Variants in BBS9 observed in about 807,000 individuals in gnomAD.
BBS9 encodes the protein Bardet-Biedl syndrome 9.
In BBS9, 89 loss-of-function variants were observed where a neutral mutation model predicts 117.7. The observed-to-expected ratio is 0.76, with a 90% CI of 0.64 to 0.90. The LOEUF (loss-of-function observed/expected upper bound fraction) is 0.90, where lower values mean the gene tolerates loss of function less well. Ranked by LOEUF, BBS9 falls within the 40% of genes least tolerant of loss-of-function variation. The pLI is 0.00. For synonymous variants in BBS9, 379 were observed against 370.9 expected, an observed-to-expected ratio of 1.02 and a Z score of -0.25; for missense variants, 982 against 1,042.2, an observed-to-expected ratio of 0.94 and a Z score of 0.80.
At chr7:33,565,711 A>G (rs966163758) in intron 21 of BBS9, among the ~76,000 whole-genome samples, 2 of 144,798 alleles carry the variant, frequency 1.4e-5, no homozygotes, top group East Asian at 2.1e-4. Flanking sequence ...GGAAACTTGC[A>G]TAATAGCCAG....
intron 20 of BBS9, among the ~76,000 whole-genome samples, chr7:33,510,426 A>G (rs1846767291): frequency 6.6e-6 from 1 of 152,034 alleles, no homozygotes; most frequent in Admixed American, 6.6e-5. Flanking sequence ...CCCTCTAATC[A>G]TGCTGCACAG....
At chr7:33,521,313 C>T (rs1194706333) in intron 20 of BBS9, among the ~76,000 whole-genome samples, 1 of 152,188 alleles carries the variant, frequency 6.6e-6, no homozygotes. Flanking sequence ...GCAGCCGAAC[C>T]TTCTGAAGGT....
intron 20 of BBS9, among the ~76,000 whole-genome samples, chr7:33,521,755 T>C (rs1357857636): frequency 6.6e-6 from 1 of 152,086 alleles, no homozygotes; most frequent in Non-Finnish European, 1.5e-5. Context: ...TTCTTTTTTT[T>C]TTTATTATAC....
chr7:33,613,909 G>T (rs1865004520), intron 21 of BBS9, among the ~76,000 whole-genome samples: 1 of 152,042 alleles, frequency 6.6e-6, no homozygotes. Context: ...AGGCTTTGAA[G>T]ACTTATGTCC....
chr7:33,220,834 C>A (rs999408158), intron 5 of BBS9, among the ~76,000 whole-genome samples: 6 of 152,188 alleles, frequency 3.9e-5, no homozygotes, highest in East Asian at 3.8e-4. Context: ...CTGAGCCCAC[C>A]TTTTAAATAC....
chr7:33,405,648 T>G (rs1357835802), intron 19 of BBS9, among the ~76,000 whole-genome samples: 1 of 152,224 alleles, frequency 6.6e-6, no homozygotes, highest in Non-Finnish European at 1.5e-5. Context: ...GTTTGTAGTA[T>G]TCTCTGATGG....
intron 12 of BBS9, among the ~76,000 whole-genome samples, chr7:33,348,690 G>T (rs570819982): frequency 3.3e-5 from 5 of 152,048 alleles, no homozygotes; most frequent in Non-Finnish European, 7.4e-5. Context: ...AATATATGAG[G>T]GTTCTAGTTT....
At chr7:33,199,092 G>T (rs552307165) in intron 5 of BBS9, among the ~76,000 whole-genome samples, 1 of 151,900 alleles carries the variant, frequency 6.6e-6, no homozygotes, top group East Asian at 1.9e-4. Flanking sequence ...CCAATCAATG[G>T]TTCTTTTCTT....
chr7:33,171,538 A>G (rs1796574032), intron 4 of BBS9, among the ~76,000 whole-genome samples: 1 of 152,214 alleles, frequency 6.6e-6, no homozygotes, highest in African/African-American at 2.4e-5. Flanking sequence ...AAAACCCTAG[A>G]AAATAATTTC....
Position 33,555,053 on chromosome 7 carries a change from T to TTA in BBS9, c.2521+20883_2521+20884dup, listed in dbSNP as rs1855080054. ...GTATAAATTTGTAACATTTCTCCTT[T>TTA]TATATATTCACTCCTTCTCTTTCCT... On this transcript the variant is annotated intron_variant, in intron 21 of 22. Coordinates refer to ENST00000242067, the MANE Select transcript of BBS9 (RefSeq NM_198428.3). Among the ~76,000 whole-genome samples, 6 of 152,316 alleles carry TTA rather than the reference T, an allele frequency of 3.9e-5. No homozygotes were observed. In the South Asian group the frequency reaches 1.2e-3, roughly 32 times the overall value.
At chr7:33,155,165 A>G (rs1303604839) in intron 3 of BBS9, among the ~76,000 whole-genome samples, 2 of 152,242 alleles carry the variant, frequency 1.3e-5, no homozygotes, top group South Asian at 2.1e-4. Context: ...GATATATGCT[A>G]CTTGTAATAA....
At chr7:33,188,061 G>A (rs1783421669) in intron 5 of BBS9, among the ~76,000 whole-genome samples, 1 of 136,164 alleles carries the variant, frequency 7.3e-6, no homozygotes, top group African/African-American at 2.7e-5. Context: ...GATTAGAGCA[G>A]CTCCCTGTAG....
At chr7:33,580,853 A>C (rs964118896) in intron 21 of BBS9, among the ~76,000 whole-genome samples, 2 of 152,184 alleles carry the variant, frequency 1.3e-5, no homozygotes, top group African/African-American at 4.8e-5. Context: ...CATGAATATC[A>C]CTGAAACCCG....
intron 4 of BBS9, among the ~76,000 whole-genome samples, chr7:33,167,076 G>A (rs1259361827): frequency 2.0e-5 from 3 of 152,336 alleles, no homozygotes; most frequent in Non-Finnish European, 2.9e-5. Context: ...AGAATGCAGA[G>A]CTTTTAATAA....
chr7:33,512,765 C>T (rs991587905), intron 20 of BBS9, among the ~76,000 whole-genome samples: 2 of 152,212 alleles, frequency 1.3e-5, no homozygotes, highest in African/African-American at 4.8e-5. Context: ...GCCCGCTGTG[C>T]TGTGGACCAC....
At chr7:33,477,672 A>G (rs529781053) in intron 19 of BBS9, among the ~76,000 whole-genome samples, 3 of 152,316 alleles carry the variant, frequency 2.0e-5, no homozygotes, top group South Asian at 4.1e-4. Context: ...TAACTTTCCT[A>G]CTAGTTGTTC....
chr7:33,140,319 C>G (rs937248834), intron 1 of BBS9, among the ~76,000 whole-genome samples: 4 of 152,162 alleles, frequency 2.6e-5, no homozygotes, highest in Non-Finnish European at 4.4e-5. Context: ...CCACCGCACC[C>G]AGCCGGATTC....
rs1035098100 is a variant in BBS9, at chr7:33,193,720, T to A, written c.442+16129T>A. Among the ~76,000 whole-genome samples the A allele has an allele frequency of 2.6e-5, 4 of 152,300 alleles. No homozygotes were observed. The South Asian group carries it at 8.3e-4, about 32-fold the overall frequency. Reference sequence around the variant, plus strand: ...TGTCTGTAGCAGCCTTACTGTAGGATTTGGCTTCAACCCTCTCTTTTGTGA... The same window carrying A: ...TGTCTGTAGCAGCCTTACTGTAGGAATTGGCTTCAACCCTCTCTTTTGTGA... On this transcript the variant is annotated intron_variant, in intron 5 of 22. Coordinates refer to ENST00000242067, the MANE Select transcript of BBS9 (RefSeq NM_198428.3).
chr7:33,616,635 A>G (rs1194508768), intron 21 of BBS9, among the ~76,000 whole-genome samples: 1 of 151,612 alleles, frequency 6.6e-6, no homozygotes, highest in Non-Finnish European at 1.5e-5. Context: ...GAAAACAGTA[A>G]CAAATATGAT....
Sources: allele counts gnomAD v4.1 joint callset (sites outside exome capture counted in the v4.1 genomes callset), GRCh38; gene constraint gnomAD v4.1.1; transcripts MANE v1.5; gene names NCBI Gene and HGNC (gene_info 2026-07-23, HGNC 2026-07-21).